Variants in NOTCH1 observed in about 807,000 individuals in gnomAD.
NOTCH1 encodes the protein notch receptor 1.
In NOTCH1, 37 loss-of-function variants were observed where a neutral mutation model predicts 254.8. The ratio of observed to expected loss-of-function variants is 0.15; its 90% CI spans 0.11 to 0.19. The LOEUF (loss-of-function observed/expected upper bound fraction) is 0.19. Among genes scored for constraint, NOTCH1 ranks in the 10% least tolerant of loss-of-function variants. The probability of loss-of-function intolerance (pLI) is 1.00; values close to 1 mark genes in which losing one functional copy is unlikely to be tolerated. For missense variants in NOTCH1, 2,972 were observed against 3,708.6 expected (o/e 0.80, Z 5.16); for synonymous variants, 1,731 against 1,618.1 (o/e 1.07, Z -1.68).
At chr9:136,511,891 G>A (rs1282320164) in intron 15 of NOTCH1, among the ~76,000 whole-genome samples, 2 of 152,242 alleles carry the variant, frequency 1.3e-5, no homozygotes, top group African/African-American at 2.4e-5. Flanking sequence ...TGGGAACCAC[G>A]TGCACAGCCG....
Position 136,500,650 on chromosome 9 carries a change from G to A in NOTCH1, c.5836C>T (p.Arg1946Cys), listed in dbSNP as rs1440167765. 2.0e-5 allele frequency: 32 copies of A among 1,611,706 alleles called. No homozygotes were observed. The highest frequency in any genetic ancestry group is 2.5e-5 in the Non-Finnish European group (29 of 1,179,902). The change falls in exon 31 of 34, where the codon CGC becomes TGC. Residue 1946 changes from arginine (R) to cysteine (C), a missense_variant. This residue lies in a region of NOTCH1 where 421 missense variants were observed against 604.4 expected (regional missense o/e 0.70). Transcript: ENST00000651671. ...ARYSRSDAAKRLLEASADANI... is the reference protein window; with the variant it reads ...ARYSRSDAAKCLLEASADANI... Reference sequence around the variant, plus strand: ...GCATCTGCGCTGGCCTCCAGCAGGCGCTTGGCGGCATCAGAGCGTGAGTAG... The same window carrying A: ...GCATCTGCGCTGGCCTCCAGCAGGCACTTGGCGGCATCAGAGCGTGAGTAG...
At chr9:136,499,084 C>T (rs2133322358) in intron 32 of NOTCH1, 28 bp downstream of exon 32, 2 of 1,612,842 alleles carry the variant, frequency 1.2e-6, no homozygotes, top group Non-Finnish European at 1.7e-6. Context: ...CGCCCCACGA[C>T]AGAGCAGCCG....
intron 19 of NOTCH1, 75 bp from the exon 20 acceptor site, chr9:136,508,460 A>C: frequency 6.3e-7 from 1 of 1,598,282 alleles, no homozygotes; most frequent in Non-Finnish European, 8.5e-7. Flanking sequence ...CACATCTGCC[A>C]AGGGGCCTAC....
At position 136,497,299 on chromosome 9, in the gene NOTCH1, C is replaced by T. The variant is rs760564367; in HGVS notation, c.6440G>A (p.Gly2147Asp). The stretch of plus-strand genomic sequence containing the variant: ...GCCCTGCACGCCGGGCTTGAGGCTG[C>T]CCAGGTAGCCGTTGGGCGAGCAGAG... ...PPLCSPNGYL[G>D]SLKPGVQGKK... Residue 2147 changes from glycine (G) to aspartate (D), a missense_variant, in exon 34 of 34, where the codon GGC (glycine) becomes GAC (aspartate). Gly to Asp is a moderately conservative substitution (Grantham distance 94). Transcript: ENST00000651671. 6.2e-7 allele frequency: 1 copy of T among 1,608,118 alleles called. No individual in the cohort carries two copies. Among genetic ancestry groups the T allele is most frequent in the Non-Finnish European group, 8.5e-7 (1 of 1,179,786 alleles).
intron 3 of NOTCH1, 142 bp downstream of exon 3, chr9:136,523,575 G>A: frequency 9.3e-7 from 1 of 1,080,074 alleles, no homozygotes; most frequent in South Asian, 1.5e-5. Context: ...CTGGGAGGGG[G>A]GCAGGGACCC....
chr9:136,529,023 C>A (rs1409990367), intron 2 of NOTCH1, among the ~76,000 whole-genome samples: 1 of 152,162 alleles, frequency 6.6e-6, no homozygotes, highest in Non-Finnish European at 1.5e-5. Flanking sequence ...AGGGCTCCCA[C>A]TCTGCCTGCT....
At position 136,509,889 on chromosome 9, in the gene NOTCH1, C is replaced by T. The variant is rs35962301; in HGVS notation, c.2813G>A (p.Arg938Gln). The change falls in exon 18 of 34, where the codon CGG becomes CAG. Residue 938 changes from arginine to glutamine, a missense_variant. This residue lies in a region of NOTCH1 where 1,343 missense variants were observed against 1,557.0 expected (regional missense o/e 0.86). Coordinates refer to ENST00000651671, the MANE Select transcript of NOTCH1 (RefSeq NM_017617.5). Reference protein sequence around the residue: ...TAFCDCLPGFRGTFCEEDINE... With the variant: ...TAFCDCLPGFQGTFCEEDINE... Reference sequence around the variant, plus strand: ...GATGTCCTCCTCACAGAAAGTGCCCCGGAAGCCGGGCAGGCAGTCGCAGAA... The same window carrying T: ...GATGTCCTCCTCACAGAAAGTGCCCTGGAAGCCGGGCAGGCAGTCGCAGAA... The T allele has an allele frequency of 3.5e-4, 561 of 1,613,190 alleles. 4 individuals carry two copies. The African/African-American group carries it at 6.8e-3, about 20-fold the overall frequency.
At chr9:136,497,643 C>A (rs996689534) in intron 33 of NOTCH1, 85 bp from the exon 34 acceptor site, 11 of 1,226,360 alleles carry the variant, frequency 9.0e-6, no homozygotes, top group Non-Finnish European at 1.2e-5. Context: ...GAGGAAGCAG[C>A]AGTACAACCT....
intron 4 of NOTCH1, 185 bp downstream of exon 4, chr9:136,522,665 G>T: frequency 1.6e-6 from 1 of 612,458 alleles, no homozygotes; most frequent in Non-Finnish European, 2.8e-6. Context: ...TCCTCCCAGC[G>T]CACACCCCGC....
At position 136,496,731 on chromosome 9, in the gene NOTCH1, G is replaced by A. The variant is rs2133316552; in HGVS notation, c.7008C>T (p.Ser2336=). The change falls in exon 34 of 34, where the codon AGC becomes AGT. Residue 2336 remains serine, a synonymous_variant. Coordinates refer to ENST00000651671, the MANE Select transcript of NOTCH1 (RefSeq NM_017617.5). The stretch of plus-strand genomic sequence containing the variant: ...CATGCTGCAGGGAGGGGGCCTGTGT[G>A]CTCAGGGGGCCTGGTGCCACACTCC... The part of the protein sequence containing the change: ...LRGSVAPGPL[S]TQAPSLQHGM... The A allele has an allele frequency of 6.2e-7, 1 of 1,612,796 alleles. No homozygotes were observed. The highest frequency in any genetic ancestry group is 8.5e-7 in the Non-Finnish European group (1 of 1,180,004).
rs757003332 is a variant in NOTCH1, at chr9:136,522,943, G to A, written c.649C>T (p.Arg217Trp). Residue 217 changes from arginine to tryptophan, a missense_variant, in exon 4 of 34, where the codon CGG becomes TGG. Arg to Trp is a moderately radical substitution (Grantham distance 101). Transcript: ENST00000651671. ...GAGGGGCTGCAGGGCACGTAGGGCC[G>A]CTCGCAGTTGGGGCCAGTGTGGGTG... Reference protein sequence around the residue: ...RATHTGPNCERPYVPCSPSPC... With the variant: ...RATHTGPNCEWPYVPCSPSPC... The A allele has an allele frequency of 1.4e-5, 22 of 1,554,852 alleles. No homozygotes were observed. Among genetic ancestry groups the A allele is most frequent in the Admixed American group, 7.7e-5 (4 of 51,844 alleles).
intron 33 of NOTCH1, among the ~76,000 whole-genome samples, chr9:136,498,022 G>A (rs1281468700): frequency 6.6e-6 from 1 of 152,158 alleles, no homozygotes; most frequent in East Asian, 1.9e-4. Context: ...TCTGTGCGGT[G>A]GACACGTCAC....
Position 136,497,214 on chromosome 9 carries a change from G to T in NOTCH1, c.6525C>A (p.Asp2175Glu), listed in dbSNP as rs1450558564. The change falls in exon 34 of 34, where the codon GAC (aspartate) becomes GAA (glutamate). Residue 2175 changes from aspartate to glutamate, a missense_variant. By Grantham distance (45) the Asp-to-Glu change is conservative. Around this residue, in one of 8 missense-constraint regions of NOTCH1, gnomAD observed 529 missense variants for 529.2 expected, o/e 1.00. Coordinates refer to ENST00000651671, the MANE Select transcript of NOTCH1 (RefSeq NM_017617.5). The part of the protein sequence containing the change: ...GLACGSKEAK[D>E]LKARRKKSQD... Reference sequence around the variant, plus strand: ...GGGACTTCTTCCTCCGTGCCTTGAGGTCCTTGGCCTCCTTGCTTCCACAGG... The same window carrying T: ...GGGACTTCTTCCTCCGTGCCTTGAGTTCCTTGGCCTCCTTGCTTCCACAGG... 6.2e-7 allele frequency: 1 copy of T among 1,612,750 alleles called. No homozygotes were observed. The highest frequency in any genetic ancestry group is 8.5e-7 in the Non-Finnish European group (1 of 1,179,960).
chr9:136,540,209 C>T lies in NOTCH1; in HGVS notation c.140+3815G>A, dbSNP rs71508861. ...ACATGTGAGCTAGGTGCCTCTCTCA[C>T]GCCTTGCTGGGAAGTGAACTCCACA... is the stretch of plus-strand genomic sequence containing the variant. On this transcript the variant is annotated intron_variant, in intron 2 of 33. Coordinates refer to ENST00000651671, the MANE Select transcript of NOTCH1 (RefSeq NM_017617.5). This position sits in a 1 kb window ranked among gnomAD's most constrained non-coding sequence, Gnocchi z 4.4. 1.1e-3 allele frequency among the ~76,000 whole-genome samples: 162 copies of T among 152,350 alleles called. No individual in the cohort carries two copies. The highest frequency in any genetic ancestry group is 1.8e-3 in the Non-Finnish European group (122 of 68,032).
chr9:136,526,242 C>G (rs1019916808), intron 2 of NOTCH1, among the ~76,000 whole-genome samples: 1 of 152,264 alleles, frequency 6.6e-6, no homozygotes, highest in Non-Finnish European at 1.5e-5. Context: ...ACAGGCTGGG[C>G]TGGGCTGGGC....
At chr9:136,504,382 G>C (rs1341291842) in intron 26 of NOTCH1, among the ~76,000 whole-genome samples, 1 of 152,336 alleles carries the variant, frequency 6.6e-6, no homozygotes, top group East Asian at 1.9e-4. Flanking sequence ...CTAAGGCACA[G>C]CTCAATCTCA....
In NOTCH1 at chr9:136,495,943, CTCGTTCTTA is replaced by C. The variant is rs1290343971; in HGVS notation, c.*119_*127del. On this transcript the variant is annotated 3_prime_UTR_variant, in exon 34 of 34. Transcript: ENST00000651671. ...ATAAATACTAAAAAAAATTAAAATC[CTCGTTCTTA>C]TTTTGTATAAAAACATGTGTTTTAA... 1.2e-5 allele frequency: 12 copies of C among 1,021,310 alleles called. No individual in the cohort carries two copies. Among genetic ancestry groups the C allele is most frequent in the Non-Finnish European group, 1.5e-5 (11 of 723,238 alleles). 63.3% of individuals were successfully genotyped at this position (1,021,310 alleles called of 1,614,324 possible).
At chr9:136,510,840 G>C (rs199624767) in intron 16 of NOTCH1, 35 bp from the exon 17 acceptor site, 1 of 1,603,214 alleles carries the variant, frequency 6.2e-7, no homozygotes, top group Non-Finnish European at 8.5e-7. Flanking sequence ...GGTCACCAGC[G>C]GCCCCTGGCC....
chr9:136,497,825 T>TG lies in NOTCH1; in HGVS notation c.6181-268dup, dbSNP rs569097435. Among the ~76,000 whole-genome samples, 558 of 152,262 alleles carry TG rather than the reference T, an allele frequency of 3.7e-3. 5 individuals carry two copies. The highest frequency in any genetic ancestry group is 0.013 in the African/African-American group (521 of 41,550). On this transcript the variant is annotated intron_variant, in intron 33 of 33. Transcript: ENST00000651671. ...CTAGATCAGCGGGGCTCCACCTCTA[T>TG]GGGGGGGTCACAGACCCCACTGAAA...
Sources: gnomAD v4.1 joint callset for allele counts (sites outside exome capture counted in the v4.1 genomes callset) on GRCh38, gnomAD v4.1.1 for gene constraint, gnomAD v4.1.1 regional missense constraint, Gnocchi (gnomAD v3.1) non-coding constraint, MANE v1.5 for transcripts, NCBI Gene and HGNC (gene_info 2026-07-23, HGNC 2026-07-21) for gene names.